The following ZNF273 variants were observed in gnomAD, a reference collection of about 807,000 sequenced individuals.
The protein encoded by ZNF273 is zinc finger protein 9.
A neutral mutation model predicts 14.9 loss-of-function variants in ZNF273; 11 were observed. The ratio of observed to expected loss-of-function variants is 0.74; its 90% CI spans 0.46 to 1.22. ZNF273 has a LOEUF of 1.22. Ranked by LOEUF, ZNF273 falls within the 50% of genes most tolerant of loss-of-function variation. The pLI, the probability that ZNF273 is intolerant of heterozygous loss-of-function variation, is 0.00. For synonymous variants in ZNF273, 199 were observed against 223.9 expected (o/e 0.89, Z 0.99); for missense variants, 577 against 660.6 (o/e 0.87, Z 1.39).
At chr7:64,885,225 C>T (rs1219078605) in intron 1 of ZNF273, among the ~76,000 whole-genome samples, 1 of 152,210 alleles carries the variant, frequency 6.6e-6, no homozygotes, top group Admixed American at 6.5e-5. Context: ...CCTTAGGAAT[C>T]GTCAACAGTG....
rs116551632 is a variant in ZNF273 at position 64,921,449 on chromosome 7, A to G, written c.325+3157A>G. On this transcript the variant is annotated intron_variant, in intron 3 of 3. Coordinates refer to ENST00000476120, the MANE Select transcript of ZNF273 (RefSeq NM_021148.3). ...GTCTACTATTATTATGTTGGTATGT[A>G]TTTCCTGCTTCACTTTTGTCAGTAA... Among the ~76,000 whole-genome samples, 1,396 of 151,930 alleles carry G rather than the reference A, an allele frequency of 9.2e-3. 16 individuals carry two copies. Among genetic ancestry groups the G allele is most frequent in the African/African-American group, 0.032 (1,325 of 41,428 alleles).
chr7:64,927,197 A>G (rs545554377), intron 3 of ZNF273, among the ~76,000 whole-genome samples: 1 of 152,252 alleles, frequency 6.6e-6, no homozygotes, highest in South Asian at 2.1e-4. Flanking sequence ...GGTTCAAGGG[A>G]TTCTCCTGCC....
intron 3 of ZNF273, chr7:64,924,254 T>A (rs1012631044): frequency 2.6e-5 from 4 of 152,104 alleles, no homozygotes; most frequent in Non-Finnish European, 5.9e-5. Flanking sequence ...TGGTGGTCTG[T>A]CAAGAAGAAA....
At chr7:64,917,829 A>AT in intron 2 of ZNF273, 122 bp downstream of exon 2, 1 of 1,082,742 alleles carries the variant, frequency 9.2e-7, no homozygotes, top group Non-Finnish European at 1.3e-6. Context: ...AATCCTGGGG[A>AT]TTTGTTCATT....
chr7:64,917,471 C>A, intron 1 of ZNF273, 110 bp from the exon 2 acceptor site: 2 of 1,487,792 alleles, frequency 1.3e-6, no homozygotes, highest in Non-Finnish European at 1.8e-6. Context: ...TTAGTCACTC[C>A]TATAAGTAAA....
At chr7:64,899,934 AT>A (rs75718433), upstream of ZNF273, among the ~76,000 whole-genome samples, 12,562 of 151,588 alleles carry the variant, frequency 0.083, 663 homozygotes, top group South Asian at 0.18. Flanking sequence ...CTAATTTTGT[AT>A]TTTTAGTAGA....
At chr7:64,888,583 C>A in exon 2 of ZNF273, 3 of 985,862 alleles carry the variant, frequency 3.0e-6, no homozygotes, top group Non-Finnish European at 3.6e-6. Context: ...TAGCACTTAG[C>A]ACCTGCCCGC....
rs1317501593 is a variant in ZNF273, at chr7:64,929,904, T to C, written c.*866T>C. ...TTTTTGAGACGGAGTTTCACTCTTG[T>C]TGCCCAGGCTGGAGTGCAATGGCGT... On this transcript the variant is annotated 3_prime_UTR_variant, in exon 4 of 4. Coordinates refer to ENST00000476120, the MANE Select transcript of ZNF273 (RefSeq NM_021148.3). 1 of 155,452 alleles carries C rather than the reference T, an allele frequency of 6.4e-6. No individual in the cohort carries two copies. The highest frequency in any genetic ancestry group is 2.4e-5 in the African/African-American group (1 of 41,466). 9.6% of individuals were successfully genotyped at this position (155,452 alleles called of 1,614,324 possible). A position where few individuals can be genotyped will look rare whatever the true frequency, so the allele number is the denominator to read the frequency against.
chr7:64,916,281 G>C (rs1173855036), intron 1 of ZNF273, among the ~76,000 whole-genome samples: 1 of 149,936 alleles, frequency 6.7e-6, no homozygotes, highest in Admixed American at 6.7e-5. Context: ...GCTCACGCCT[G>C]TAATCCCATA....
rs1300947763 is a variant in ZNF273, at chr7:64,917,661, G to A, written c.183G>A (p.Leu61=). The change falls in exon 2 of 4, where the codon TTG becomes TTA. Residue 61 remains leucine (L), a synonymous_variant. Transcript: ENST00000476120. ...GCCTGGACACTTCACAGCAGAATTT[G>A]TATAGGAATGTGATGTTAGATAACT... ...WQCLDTSQQN[L]YRNVMLDNYR... is the part of the protein sequence containing the mutation. 1 of 1,599,192 alleles carries A rather than the reference G, an allele frequency of 6.3e-7. No individual in the cohort carries two copies. The highest frequency in any genetic ancestry group is 8.5e-7 in the Non-Finnish European group (1 of 1,170,828).
At chr7:64,923,116 A>AT (rs1401964739) in intron 3 of ZNF273, among the ~76,000 whole-genome samples, 1 of 151,946 alleles carries the variant, frequency 6.6e-6, no homozygotes, top group Non-Finnish European at 1.5e-5. Context: ...AACAACTACC[A>AT]TTTTTTCCCG....
upstream of ZNF273, among the ~76,000 whole-genome samples, chr7:64,901,721 C>T (rs1448796211): frequency 3.3e-5 from 5 of 152,128 alleles, no homozygotes; most frequent in South Asian, 4.1e-4. Flanking sequence ...GAGGCCGAGG[C>T]GGGCGGATCA....
chr7:64,901,338 A>C (rs1792701515), upstream of ZNF273, among the ~76,000 whole-genome samples: 1 of 152,180 alleles, frequency 6.6e-6, no homozygotes, highest in Non-Finnish European at 1.5e-5. Flanking sequence ...CAATTCTAGA[A>C]GGGTACCCAC....
rs138186086 is a variant in ZNF273 at position 64,928,335 on chromosome 7, A to T, written c.1007A>T (p.His336Leu). 6.2e-7 allele frequency: 1 copy of T among 1,613,838 alleles called. No individual in the cohort carries two copies. Among genetic ancestry groups the T allele is most frequent in the South Asian group, 1.1e-5 (1 of 91,070 alleles). The change falls in exon 4 of 4, where the codon CAT becomes CTT. Residue 336 changes from histidine (H) to leucine (L), a missense_variant. Physicochemically the swap from His to Leu is moderately conservative, Grantham distance 99 (BLOSUM62 -3). This residue lies in a region of ZNF273 where 411 missense variants were observed against 440.4 expected (regional missense o/e 0.93). Coordinates refer to ENST00000476120, the MANE Select transcript of ZNF273 (RefSeq NM_021148.3). ...GFSIFSTLTK[H>L]KIIHTGEKPY... is the part of the protein sequence containing the mutation. ...AGTATATTCTCAACCCTTACTAAAC[A>T]TAAGATAATTCATACTGGAGAGAAA...
chr7:64,900,011 C>G (rs146034406), upstream of ZNF273, among the ~76,000 whole-genome samples: 1 of 152,080 alleles, frequency 6.6e-6, no homozygotes, highest in African/African-American at 2.4e-5. Context: ...CCGCCTGCCT[C>G]GGCCTCCCAA....
intron 1 of ZNF273, among the ~76,000 whole-genome samples, chr7:64,909,965 T>G (rs1357007421): frequency 6.6e-6 from 1 of 152,180 alleles, no homozygotes; most frequent in Non-Finnish European, 1.5e-5. Flanking sequence ...TTTAATATGC[T>G]TGTTAGCCAC....
Position 64,923,435 on chromosome 7 carries a change from G to T in ZNF273, c.326-4219G>T, listed in dbSNP as rs560255876. ...GGGTTACTGCAACCTCTGCCCCTCG[G>T]GATTCAAGTGATTCTACTGCCTCAG... On this transcript the variant is annotated intron_variant, in intron 3 of 3. Transcript: ENST00000476120. The T allele has an allele frequency of 4.0e-4, 179 of 450,142 alleles. 1 individual carries two copies. Among genetic ancestry groups the T allele is most frequent in the South Asian group, 2.7e-3 (174 of 63,384 alleles). 27.9% of individuals were successfully genotyped at this position (450,142 alleles called of 1,614,324 possible). A position where few individuals can be genotyped will look rare whatever the true frequency, so the allele number is the denominator to read the frequency against.
the ZNF273 span, among the ~76,000 whole-genome samples, chr7:64,937,306 C>A: frequency 1.3e-5 from 2 of 152,170 alleles, no homozygotes; most frequent in Non-Finnish European, 2.9e-5. Context: ...GGATAAGAAG[C>A]AAATGTGTCT....
rs375695781 is a variant in ZNF273 at position 64,914,182 on chromosome 7, ATTTTTTTTTTT to A, written c.103-3383_103-3373del. 4.8e-4 allele frequency among the ~76,000 whole-genome samples: 34 copies of A among 70,906 alleles called. 3 individuals carry two copies. The South Asian group carries it at 0.016, about 34-fold the overall frequency. 46.5% of individuals were successfully genotyped at this position (70,906 alleles called of 152,430 possible). A position where few individuals can be genotyped will look rare whatever the true frequency, so the allele number is the denominator to read the frequency against. ...ACCACTACGTCCTGGTAATTTTTGT[ATTTTTTTTTTT>A]TTTTTTTTTTTTTTTAGTACAGATG... On this transcript the variant is annotated intron_variant, in intron 1 of 3. Coordinates refer to ENST00000476120, the MANE Select transcript of ZNF273 (RefSeq NM_021148.3).
Sources: gnomAD v4.1 joint callset for allele counts (sites outside exome capture counted in the v4.1 genomes callset) on GRCh38, gnomAD v4.1.1 for gene constraint, gnomAD v4.1.1 regional missense constraint, MANE v1.5 for transcripts, NCBI Gene and HGNC (gene_info 2026-07-23, HGNC 2026-07-21) for gene names.